The following LRP1B variants were observed in gnomAD, a reference collection of about 807,000 sequenced individuals.
The protein encoded by LRP1B is LDL receptor related protein 1B, also known as low-density lipoprotein receptor-related protein 1B.
LRP1B carries 217 observed loss-of-function variants against 556.6 expected under a neutral mutation model. The observed-to-expected ratio is 0.39, with a 90% CI of 0.35 to 0.44. The LOEUF (loss-of-function observed/expected upper bound fraction) is 0.44, where lower values mean the gene tolerates loss of function less well. Ranked by LOEUF, LRP1B falls within the 20% of genes least tolerant of loss-of-function variation. LRP1B has a pLI of 1.00. For synonymous variants in LRP1B, 2,047 were observed against 1,865.8 expected, an observed-to-expected ratio of 1.10 and a Z score of -2.50; for missense variants, 5,053 against 5,620.8, an observed-to-expected ratio of 0.90 and a Z score of 3.23.
chr2:141,718,368 C>G (rs900250650), intron 2 of LRP1B, among the ~76,000 whole-genome samples: 28 of 152,156 alleles, frequency 1.8e-4, no homozygotes, highest in African/African-American at 6.5e-4. Flanking sequence ...ATCTAATGTG[C>G]TCAGCATTGT....
At chr2:141,182,737 G>C (rs980846960) in intron 7 of LRP1B, among the ~76,000 whole-genome samples, 6 of 151,838 alleles carry the variant, frequency 4.0e-5, no homozygotes, top group Admixed American at 3.9e-4. Flanking sequence ...TTGAACAATG[G>C]GGATGTGCAT....
chr2:140,843,067 G>GTTTTTTTTTTTT (rs1232129942), intron 29 of LRP1B, among the ~76,000 whole-genome samples: 5 of 10,646 alleles, frequency 4.7e-4, no homozygotes, highest in African/African-American at 9.4e-4. Flanking sequence ...TTTTTTTTTT[G>GTTTTTTTTTTTT]TTTTTTTTTT....
chr2:141,544,331 C>CTTCTTCTTCTTCTTCTTCTTCTTCTT lies in LRP1B; in HGVS notation c.206-63824_206-63799dup, dbSNP rs1574064434. 1.0e-3 allele frequency among the ~76,000 whole-genome samples: 30 copies of CTTCTTCTTCTTCTTCTTCTTCTTCTT among 29,532 alleles called. 2 individuals are homozygous for CTTCTTCTTCTTCTTCTTCTTCTTCTT. The highest frequency in any genetic ancestry group is 4.8e-3 in the East Asian group (6 of 1,238). 19.4% of individuals were successfully genotyped at this position (29,532 alleles called of 152,430 possible). A position where few individuals can be genotyped will look rare whatever the true frequency, so the allele number is the denominator to read the frequency against. On this transcript the variant is annotated intron_variant, in intron 2 of 90. Coordinates refer to ENST00000389484, the MANE Select transcript of LRP1B (RefSeq NM_018557.3). ...TCTTCTTCTTCTTCTTCTTCTTCTT[C>CTTCTTCTTCTTCTTCTTCTTCTTCTT]TTCTTCTTCTTCTTCTTCTTCTTCT...
intron 1 of LRP1B, among the ~76,000 whole-genome samples, chr2:141,966,392 C>T (rs911471701): frequency 6.6e-6 from 1 of 151,806 alleles, no homozygotes; most frequent in African/African-American, 2.4e-5. Context: ...TCTGTGATGT[C>T]CTCTTGGATA....
intron 3 of LRP1B, among the ~76,000 whole-genome samples, chr2:141,321,963 T>C (rs1559003958): frequency 6.6e-6 from 1 of 152,094 alleles, no homozygotes; most frequent in Non-Finnish European, 1.5e-5. Context: ...CTTTCTAGTC[T>C]TGTAAATGAA....
chr2:140,381,819 G>A (rs527545144), intron 67 of LRP1B, among the ~76,000 whole-genome samples: 7 of 135,210 alleles, frequency 5.2e-5, no homozygotes, highest in Non-Finnish European at 9.1e-5. Flanking sequence ...TCAAGATTGC[G>A]CCACTACACT....
At chr2:141,841,799 G>C (rs541202529) in intron 1 of LRP1B, among the ~76,000 whole-genome samples, 7 of 152,052 alleles carry the variant, frequency 4.6e-5, no homozygotes, top group Non-Finnish European at 1.0e-4. Context: ...TAGCAAGAGG[G>C]TTACCTGCTG....
intron 43 of LRP1B, among the ~76,000 whole-genome samples, chr2:140,547,024 C>G (rs1248488129): frequency 6.6e-6 from 1 of 152,038 alleles, no homozygotes; most frequent in Non-Finnish European, 1.5e-5. Context: ...GTAGGATAAG[C>G]TTTTTGATGT....
intron 1 of LRP1B, among the ~76,000 whole-genome samples, chr2:142,116,311 G>T (rs1349845012): frequency 6.6e-6 from 1 of 151,778 alleles, no homozygotes; most frequent in South Asian, 2.1e-4. Flanking sequence ...TACTGAGTAG[G>T]GCACATCTCT....
At chr2:141,025,101 G>T (rs1482618473) in intron 11 of LRP1B, among the ~76,000 whole-genome samples, 4 of 152,094 alleles carry the variant, frequency 2.6e-5, no homozygotes, top group African/African-American at 9.7e-5. Flanking sequence ...GTCATAATCT[G>T]GTAGTCACTA....
intron 83 of LRP1B, among the ~76,000 whole-genome samples, chr2:140,310,845 A>C (rs944020324): frequency 1.3e-5 from 2 of 151,918 alleles, no homozygotes; most frequent in Non-Finnish European, 2.9e-5. Context: ...CTAGGCAAAA[A>C]ATTTATAACT....
At chr2:140,724,906 C>A (rs1217123932) in intron 35 of LRP1B, among the ~76,000 whole-genome samples, 1 of 152,162 alleles carries the variant, frequency 6.6e-6, no homozygotes, top group Non-Finnish European at 1.5e-5. Context: ...GTTGCACATA[C>A]ATTTCTTCTT....
At position 141,212,444 on chromosome 2, in the gene LRP1B, A is replaced by T. The variant is rs575641698; in HGVS notation, c.850+16739T>A. ...CAGGCTTCCACCACCACGCCCGGAT[A>T]ATTTTTTTTTTTTTGTATTTTAGTA... On this transcript the variant is annotated intron_variant, in intron 6 of 90. Transcript: ENST00000389484. Among the ~76,000 whole-genome samples, 13 of 147,242 alleles carry T rather than the reference A, an allele frequency of 8.8e-5. No homozygotes were observed. In the South Asian group the frequency reaches 2.9e-3, roughly 33 times the overall value.
chr2:140,297,441 T>C (rs1296001629), intron 84 of LRP1B, among the ~76,000 whole-genome samples: 1 of 152,034 alleles, frequency 6.6e-6, no homozygotes, highest in Non-Finnish European at 1.5e-5. Flanking sequence ...CCAATATAAT[T>C]ATGAGTTTTT....
At chr2:141,283,256 T>A (rs950158438) in intron 3 of LRP1B, among the ~76,000 whole-genome samples, 7 of 152,116 alleles carry the variant, frequency 4.6e-5, no homozygotes, top group Admixed American at 3.9e-4. Context: ...GTAAATTGCA[T>A]GTAAGTTGAG....
In LRP1B at chr2:141,743,684, C is replaced by T. The variant is rs138249079; in HGVS notation, c.205+66595G>A. Reference sequence around the variant, plus strand: ...CAATAGCAAGCAACAACACTAAAGCCGTAATAAAATGTTCTGGTTTTGGAG... The same window carrying T: ...CAATAGCAAGCAACAACACTAAAGCTGTAATAAAATGTTCTGGTTTTGGAG... On this transcript the variant is annotated intron_variant, in intron 2 of 90. Coordinates refer to ENST00000389484, the MANE Select transcript of LRP1B (RefSeq NM_018557.3). 2.1e-3 allele frequency among the ~76,000 whole-genome samples: 314 copies of T among 151,680 alleles called. 2 individuals are homozygous for T. The highest frequency in any genetic ancestry group is 7.1e-3 in the African/African-American group (295 of 41,392).
chr2:141,400,815 G>A (rs1690424685), intron 3 of LRP1B, among the ~76,000 whole-genome samples: 2 of 152,068 alleles, frequency 1.3e-5, no homozygotes, highest in Non-Finnish European at 2.9e-5. Context: ...TTATTGCAAT[G>A]GCTTCCTTTG....
chr2:141,509,262 GA>G (rs1275430094), intron 2 of LRP1B, among the ~76,000 whole-genome samples: 1 of 152,076 alleles, frequency 6.6e-6, no homozygotes, highest in Non-Finnish European at 1.5e-5. Flanking sequence ...AGCAGAAAAT[GA>G]ACAGATATTC....
intron 10 of LRP1B, among the ~76,000 whole-genome samples, chr2:141,049,557 G>A (rs1698976445): frequency 6.6e-6 from 1 of 151,952 alleles, no homozygotes; most frequent in Non-Finnish European, 1.5e-5. Flanking sequence ...ATTTTATAAT[G>A]TATTATAATC....
Sources: allele counts gnomAD v4.1 joint callset (sites outside exome capture counted in the v4.1 genomes callset), GRCh38; gene constraint gnomAD v4.1.1; transcripts MANE v1.5; gene names NCBI Gene and HGNC (gene_info 2026-07-23, HGNC 2026-07-21).